Variants in CEP112 observed in about 807,000 individuals in gnomAD.
CEP112 encodes centrosomal protein of 112 kDa.
A neutral mutation model predicts 153.0 loss-of-function variants in CEP112; 127 were observed. That is an observed-to-expected ratio of 0.83 (90% CI 0.72 to 0.96). The LOEUF (loss-of-function observed/expected upper bound fraction) is 0.96. Ranked by LOEUF, CEP112 falls within the 40% of genes least tolerant of loss-of-function variation. The pLI, the probability that CEP112 is intolerant of heterozygous loss-of-function variation, is 0.00. For missense variants in CEP112, 1,089 were observed against 1,101.2 expected, an observed-to-expected ratio of 0.99 and a Z score of 0.16; for synonymous variants, 358 against 374.4, an observed-to-expected ratio of 0.96 and a Z score of 0.51.
chr17:66,162,765 G>A (rs2146772712), intron 4 of CEP112, among the ~76,000 whole-genome samples: 1 of 152,214 alleles, frequency 6.6e-6, no homozygotes, highest in Middle Eastern at 3.4e-3. Context: ...GACTGGGAGA[G>A]AGCAAGAAAG....
At chr17:65,920,665 ACTCTGAAAACTCTT>A (rs2060692928) in intron 19 of CEP112, among the ~76,000 whole-genome samples, 1 of 151,170 alleles carries the variant, frequency 6.6e-6, no homozygotes, top group Admixed American at 6.6e-5. Context: ...ACCTTTCTAC[ACTCTGAAAACTCTT>A]CTCTGAACAT....
chr17:66,040,470 C>A (rs1364604902), intron 12 of CEP112, among the ~76,000 whole-genome samples: 1 of 147,446 alleles, frequency 6.8e-6, no homozygotes, highest in Non-Finnish European at 1.5e-5. Flanking sequence ...TTCTTCCATT[C>A]TGAATTGCCT....
intron 18 of CEP112, among the ~76,000 whole-genome samples, chr17:65,931,076 TA>T (rs1194427577): frequency 6.6e-6 from 1 of 152,212 alleles, no homozygotes; most frequent in Non-Finnish European, 1.5e-5. Context: ...AGCCCACAAA[TA>T]AAAGAACTAT....
chr17:66,037,820 T>C (rs1357545630), intron 12 of CEP112, among the ~76,000 whole-genome samples: 3 of 152,118 alleles, frequency 2.0e-5, no homozygotes, highest in African/African-American at 4.8e-5. Flanking sequence ...GGCCAAACTT[T>C]ACTGGTTTGT....
At chr17:66,011,321 T>C (rs1261474415) in intron 16 of CEP112, among the ~76,000 whole-genome samples, 1 of 152,170 alleles carries the variant, frequency 6.6e-6, no homozygotes, top group Non-Finnish European at 1.5e-5. Flanking sequence ...TATTAGGTGG[T>C]TAACTTGAGA....
chr17:65,843,997 T>C (rs922532900), intron 21 of CEP112, among the ~76,000 whole-genome samples: 4 of 152,058 alleles, frequency 2.6e-5, no homozygotes, highest in Admixed American at 1.3e-4. Context: ...ATTCTAAATA[T>C]AAAAGGAGTT....
chr17:65,686,900 T>C (rs1367478587), intron 24 of CEP112, among the ~76,000 whole-genome samples: 3 of 151,714 alleles, frequency 2.0e-5, no homozygotes, highest in Non-Finnish European at 2.9e-5. Context: ...AACTTGAAAA[T>C]TGTCATGGAA....
At chr17:66,134,831 GAACA>G (rs926903359) in intron 4 of CEP112, among the ~76,000 whole-genome samples, 3 of 151,970 alleles carry the variant, frequency 2.0e-5, no homozygotes, top group African/African-American at 7.3e-5. Flanking sequence ...AAAAACAAAC[GAACA>G]AACAAAAACC....
chr17:65,977,297 T>G (rs752647177), intron 17 of CEP112, among the ~76,000 whole-genome samples: 1 of 152,158 alleles, frequency 6.6e-6, no homozygotes, highest in Admixed American at 6.5e-5. Context: ...CTAGTCAACC[T>G]TCCTCATAGA....
At position 66,168,232 on chromosome 17, in the gene CEP112, T is replaced by G. The variant is rs191157615; in HGVS notation, c.470+6812A>C. Among the ~76,000 whole-genome samples, 10 of 152,226 alleles carry G rather than the reference T, an allele frequency of 6.6e-5. No homozygotes were observed. The East Asian group carries it at 1.9e-3, about 29-fold the overall frequency. On this transcript the variant is annotated intron_variant, in intron 4 of 26. Transcript: ENST00000535342. ...GCTAACCACCTTTAACAGTTTCATG[T>G]GTGGTACCCAGAAAGATTCCCTGCA...
At chr17:66,169,953 G>C (rs775655460) in intron 4 of CEP112, among the ~76,000 whole-genome samples, 1 of 152,122 alleles carries the variant, frequency 6.6e-6, no homozygotes, top group Non-Finnish European at 1.5e-5. Flanking sequence ...ACCAGACCTG[G>C]GTTCTCATCT....
At chr17:65,715,692 C>T (rs2144773650) in intron 23 of CEP112, among the ~76,000 whole-genome samples, 1 of 152,286 alleles carries the variant, frequency 6.6e-6, no homozygotes, top group Admixed American at 6.5e-5. Flanking sequence ...ACCTTGTGAT[C>T]CACCCGCCTC....
intron 18 of CEP112, among the ~76,000 whole-genome samples, chr17:65,935,799 A>G (rs941822322): frequency 1.4e-4 from 22 of 152,000 alleles, no homozygotes; most frequent in African/African-American, 5.1e-4. Flanking sequence ...TTTTAAAAAA[A>G]GAAAGACAAA....
At chr17:65,951,519 A>G (rs1398187914) in intron 18 of CEP112, among the ~76,000 whole-genome samples, 2 of 152,068 alleles carry the variant, frequency 1.3e-5, no homozygotes, top group Non-Finnish European at 2.9e-5. Flanking sequence ...CAAAGTTTTT[A>G]GTAATATCAC....
At chr17:65,822,928 T>C (rs1397878081) in intron 21 of CEP112, among the ~76,000 whole-genome samples, 1 of 152,114 alleles carries the variant, frequency 6.6e-6, no homozygotes, top group Non-Finnish European at 1.5e-5. Context: ...TTAAAACATC[T>C]ATTATATTTA....
At chr17:65,932,447 A>G (rs73349019) in intron 18 of CEP112, among the ~76,000 whole-genome samples, 9,826 of 152,258 alleles carry the variant, frequency 0.065, 459 homozygotes, top group African/African-American at 0.12. Flanking sequence ...AAAATGACTG[A>G]CAATTCAGAA....
At chr17:65,775,998 A>C (rs894273952) in intron 21 of CEP112, among the ~76,000 whole-genome samples, 3 of 152,244 alleles carry the variant, frequency 2.0e-5, no homozygotes, top group African/African-American at 7.2e-5. Context: ...AAGAGGTGTC[A>C]GCCCCTGACT....
At chr17:65,912,038 G>A (rs1183990353) in intron 19 of CEP112, among the ~76,000 whole-genome samples, 2 of 152,122 alleles carry the variant, frequency 1.3e-5, no homozygotes, top group African/African-American at 4.8e-5. Flanking sequence ...TAAAACAAAC[G>A]GGTTCTGGGT....
chr17:65,829,413 A>G (rs908654236), intron 21 of CEP112, among the ~76,000 whole-genome samples: 14 of 152,124 alleles, frequency 9.2e-5, no homozygotes, highest in Non-Finnish European at 1.9e-4. Context: ...ACTATACTAG[A>G]CCCATAATGT....
Sources: allele counts gnomAD v4.1 joint callset (sites outside exome capture counted in the v4.1 genomes callset), GRCh38; gene constraint gnomAD v4.1.1; transcripts MANE v1.5; gene names NCBI Gene and HGNC (gene_info 2026-07-23, HGNC 2026-07-21).